CFDP1: variants seen among roughly 807,000 people sequenced by gnomAD.
The protein encoded by CFDP1 is chromatin remodeling protein CFDP1, also known as heterochromatin-stabilizing protein CFDP1.
CFDP1 carries 31 observed loss-of-function variants against 40.1 expected under a neutral mutation model. That is an observed-to-expected ratio of 0.77 (90% CI 0.58 to 1.04). CFDP1 has a LOEUF of 1.04. Ranked by LOEUF, CFDP1 falls within the 50% of genes least tolerant of loss-of-function variation. CFDP1 has a pLI of 0.00. For synonymous variants in CFDP1, 167 were observed against 120.0 expected, an observed-to-expected ratio of 1.39 and a Z score of -2.56; for missense variants, 423 against 343.4, an observed-to-expected ratio of 1.23 and a Z score of -1.83.
At chr16:75,318,408 C>CT (rs11437738) in intron 5 of CFDP1, among the ~76,000 whole-genome samples, 70,884 of 138,458 alleles carry the variant, frequency 0.51, 19,100 homozygotes, top group Admixed American at 0.66. Context: ...TTCTTTCTTT[C>CT]TTTTTTTTTT....
intron 5 of CFDP1, among the ~76,000 whole-genome samples, chr16:75,328,514 G>A (rs1188121248): frequency 2.1e-5 from 3 of 143,868 alleles, no homozygotes; most frequent in African/African-American, 5.2e-5. Context: ...CAGGAGAATC[G>A]CTTGAACCCG....
chr16:75,353,742 C>G (rs1295269136), intron 5 of CFDP1, among the ~76,000 whole-genome samples: 2 of 78,894 alleles, frequency 2.5e-5, no homozygotes, highest in Non-Finnish European at 4.6e-5. Flanking sequence ...CAGCAAAAGT[C>G]CGTCTCAAAA....
intron 5 of CFDP1, among the ~76,000 whole-genome samples, chr16:75,333,604 T>C (rs915812840): frequency 6.6e-6 from 1 of 152,270 alleles, no homozygotes; most frequent in Non-Finnish European, 1.5e-5. Flanking sequence ...AGAACCATTA[T>C]ACTTATTGCA....
At chr16:75,402,320 C>T (rs1407111465) in intron 4 of CFDP1, among the ~76,000 whole-genome samples, 2 of 152,248 alleles carry the variant, frequency 1.3e-5, no homozygotes, top group Middle Eastern at 3.4e-3. Context: ...TCAGAACTTC[C>T]TGAAAGTCTT....
chr16:75,343,546 G>C (rs974724746), intron 5 of CFDP1, among the ~76,000 whole-genome samples: 1 of 152,206 alleles, frequency 6.6e-6, no homozygotes, highest in African/African-American at 2.4e-5. Flanking sequence ...TGACAAAACA[G>C]CTAGGCCAAT....
At chr16:75,408,504 G>A (rs550927467) in intron 4 of CFDP1, among the ~76,000 whole-genome samples, 1 of 152,218 alleles carries the variant, frequency 6.6e-6, no homozygotes, top group South Asian at 2.1e-4. Context: ...AGTGGGCCAG[G>A]TGCAGTGGCT....
At chr16:75,298,943 C>T (rs1001248352) in intron 6 of CFDP1, among the ~76,000 whole-genome samples, 1 of 152,232 alleles carries the variant, frequency 6.6e-6, no homozygotes, top group African/African-American at 2.4e-5. Flanking sequence ...TTGTAACCTT[C>T]AATTGATTGA....
intron 5 of CFDP1, among the ~76,000 whole-genome samples, chr16:75,339,497 T>G (rs1037484731): frequency 6.6e-6 from 1 of 152,186 alleles, no homozygotes; most frequent in Non-Finnish European, 1.5e-5. Context: ...TTATGATGGT[T>G]TGGCGACTGT....
At chr16:75,311,824 C>T (rs1466513940) in intron 5 of CFDP1, among the ~76,000 whole-genome samples, 1 of 151,082 alleles carries the variant, frequency 6.6e-6, no homozygotes, top group African/African-American at 2.4e-5. Flanking sequence ...AGACTGGCCC[C>T]GAACTCCTGG....
intron 5 of CFDP1, among the ~76,000 whole-genome samples, chr16:75,318,532 A>C (rs1032603911): frequency 2.7e-5 from 4 of 149,310 alleles, no homozygotes; most frequent in Non-Finnish European, 4.4e-5. Context: ...CAGCCTCCCC[A>C]GCAGCTGGGA....
chr16:75,296,245 T>C (rs545404375), intron 6 of CFDP1, among the ~76,000 whole-genome samples: 4 of 152,274 alleles, frequency 2.6e-5, no homozygotes, highest in Admixed American at 6.5e-5. Flanking sequence ...TCTTTCTTCC[T>C]GACTTTATTT....
At chr16:75,371,823 A>G (rs778019515) in intron 5 of CFDP1, among the ~76,000 whole-genome samples, 1 of 152,214 alleles carries the variant, frequency 6.6e-6, no homozygotes, top group Admixed American at 6.5e-5. Flanking sequence ...TAATAGTTTT[A>G]AGTTTCATTT....
chr16:75,309,453 G>T (rs1426004998), intron 5 of CFDP1, among the ~76,000 whole-genome samples: 1 of 151,920 alleles, frequency 6.6e-6, no homozygotes, highest in Non-Finnish European at 1.5e-5. Context: ...GGCTCTCCAG[G>T]CATCTGGCAG....
chr16:75,317,749 T>C (rs1373717526), intron 5 of CFDP1, among the ~76,000 whole-genome samples: 4 of 152,166 alleles, frequency 2.6e-5, no homozygotes, highest in African/African-American at 9.7e-5. Flanking sequence ...TGGTTCCATA[T>C]GGCCTCCCAC....
chr16:75,320,478 A>C, intron 5 of CFDP1, among the ~76,000 whole-genome samples: 1 of 152,140 alleles, frequency 6.6e-6, no homozygotes, highest in East Asian at 1.9e-4. Flanking sequence ...GCAATCAACT[A>C]AAGTAGGGCA....
intron 5 of CFDP1, among the ~76,000 whole-genome samples, chr16:75,329,786 T>A (rs1417066654): frequency 1.3e-5 from 2 of 152,246 alleles, no homozygotes; most frequent in East Asian, 3.8e-4. Flanking sequence ...TTTATCAATT[T>A]GTTTTAATGA....
intron 1 of CFDP1, among the ~76,000 whole-genome samples, chr16:75,430,257 C>T (rs2079395557): frequency 1.3e-5 from 2 of 151,016 alleles, no homozygotes; most frequent in Non-Finnish European, 3.0e-5. Context: ...TGCAACCCCA[C>T]GCCCCTGGTT....
chr16:75,360,828 G>C (rs921929289), intron 5 of CFDP1, among the ~76,000 whole-genome samples: 2 of 152,092 alleles, frequency 1.3e-5, no homozygotes, highest in Admixed American at 6.5e-5. Flanking sequence ...TTTAACAACT[G>C]ACCATTAAAC....
rs374334216 is a variant in CFDP1 at position 75,421,257 on chromosome 16, C to G, written c.65-6562G>C. On this transcript the variant is annotated intron_variant, in intron 1 of 6. Transcript: ENST00000283882. ...GCAGAGTCCCTGTTCCCCCTTTTTT[C>G]CCTTTTCACCCAATAAAACCCTGAT... Among the ~76,000 whole-genome samples the G allele has an allele frequency of 4.1e-3, 626 of 151,994 alleles. 5 individuals are homozygous for G. The highest frequency in any genetic ancestry group is 0.014 in the African/African-American group (561 of 41,526).
Sources: allele counts gnomAD v4.1 joint callset (sites outside exome capture counted in the v4.1 genomes callset), GRCh38; gene constraint gnomAD v4.1.1; transcripts MANE v1.5; gene names NCBI Gene and HGNC (gene_info 2026-07-23, HGNC 2026-07-21).